CELF1: variants seen among roughly 807,000 people sequenced by gnomAD.
CELF1 encodes CUGBP Elav-like family member 1, also known as 50 kDa nuclear polyadenylated RNA-binding protein.
A neutral mutation model predicts 61.8 loss-of-function variants in CELF1; 10 were observed. The ratio of observed to expected loss-of-function variants is 0.16; its 90% confidence interval spans 0.10 to 0.27. CELF1 has a LOEUF of 0.27. Among genes scored for constraint, CELF1 ranks in the 10% least tolerant of loss-of-function variants. CELF1 has a pLI of 1.00. For missense variants in CELF1, 380 were observed against 639.1 expected, an observed-to-expected ratio of 0.59 and a Z score of 4.37; for synonymous variants, 236 against 225.1, an observed-to-expected ratio of 1.05 and a Z score of -0.43.
chr11:47,487,465 A>T (rs10838721), intron 4 of CELF1, among the ~76,000 whole-genome samples: 2 of 152,222 alleles, frequency 1.3e-5, no homozygotes, highest in South Asian at 4.1e-4. Context: ...TAGTTACACT[A>T]TAAGTCTTAT....
intron 1 of CELF1, among the ~76,000 whole-genome samples, chr11:47,541,258 A>G (rs1007956033): frequency 1.4e-4 from 21 of 150,414 alleles, no homozygotes; most frequent in African/African-American, 4.2e-4. Flanking sequence ...ATTATCACCA[A>G]TATCATACAT....
rs2093639886 is a variant in CELF1, at chr11:47,499,593, A to G, written c.-70T>C. On this transcript the variant is annotated 5_prime_UTR_variant, in exon 3 of 15. Coordinates refer to ENST00000687097, the MANE Select transcript of CELF1 (RefSeq NM_001376376.1). ...ACTTGTCTGATCCACAAATACACAC[A>G]GCTTTAGCTTCCTGGGCCCCACAAA... 3 of 1,257,796 alleles carry G rather than the reference A, an allele frequency of 2.4e-6. No individual in the cohort carries two copies. The East Asian group carries it at 7.6e-5, about 32-fold the overall frequency. 77.9% of individuals were successfully genotyped at this position (1,257,796 alleles called of 1,614,324 possible).
intron 1 of CELF1, among the ~76,000 whole-genome samples, chr11:47,505,769 A>T (rs2094439330): frequency 6.7e-6 from 1 of 148,994 alleles, no homozygotes; most frequent in African/African-American, 2.5e-5. Context: ...TCTACTAAAA[A>T]TACAAAAATA....
chr11:47,486,050 A>C (rs1311580367), intron 6 of CELF1, among the ~76,000 whole-genome samples: 2 of 113,816 alleles, frequency 1.8e-5, no homozygotes, highest in African/African-American at 6.7e-5. Context: ...AGTCCCAGCT[A>C]CTCGGGAGGC....
At chr11:47,547,274 G>T (rs2096987511) in intron 1 of CELF1, among the ~76,000 whole-genome samples, 1 of 152,088 alleles carries the variant, frequency 6.6e-6, no homozygotes, top group Non-Finnish European at 1.5e-5. Context: ...CAATCCATAT[G>T]AAGAGCATGA....
intron 13 of CELF1, 39 bp from the exon 14 acceptor site, chr11:47,473,270 A>C (rs761346544): frequency 4.4e-6 from 7 of 1,596,408 alleles, no homozygotes; most frequent in Non-Finnish European, 6.0e-6. Context: ...ATCAGTGTCA[A>C]ACATGCTCGT....
chr11:47,530,396 G>A (rs2096427447), intron 1 of CELF1, among the ~76,000 whole-genome samples: 1 of 152,178 alleles, frequency 6.6e-6, no homozygotes, highest in African/African-American at 2.4e-5. Context: ...GTAAAGGAAG[G>A]CTTAAAAAAC....
chr11:47,476,835 C>T lies in CELF1; in HGVS notation c.1087+11G>A. ...AGAATAGTCTGATGACAGCCAGGTG[C>T]TGCCCCTTACCTGCCAAAGAGCCAA... On this transcript the variant is annotated intron_variant, in intron 12 of 14. Transcript: ENST00000687097. The T allele has an allele frequency of 6.3e-7, 1 of 1,598,178 alleles. No individual in the cohort carries two copies. The highest frequency in any genetic ancestry group is 8.6e-7 in the Non-Finnish European group (1 of 1,165,462).
At chr11:47,547,624 G>A (rs11604233) in intron 1 of CELF1, among the ~76,000 whole-genome samples, 5,402 of 142,594 alleles carry the variant, frequency 0.038, 101 homozygotes, top group Middle Eastern at 0.084. Context: ...AGCCGAGATC[G>A]CGCCACTGCA....
chr11:47,477,553 A>G (rs915438040), intron 10 of CELF1, 128 bp from the exon 11 acceptor site: 11 of 893,096 alleles, frequency 1.2e-5, no homozygotes, highest in Middle Eastern at 3.5e-4. Context: ...TAAGCCTTAC[A>G]AACAACATTA....
chr11:47,519,380 C>T (rs972324269), intron 1 of CELF1, among the ~76,000 whole-genome samples: 2 of 151,972 alleles, frequency 1.3e-5, no homozygotes, highest in Admixed American at 6.6e-5. Context: ...ACTTGGGAGG[C>T]TGGGGCAGAA....
Position 47,484,296 on chromosome 11 carries a change from G to C in CELF1, c.526+93C>G, listed in dbSNP as rs2153449094. The C allele has an allele frequency of 1.4e-5, 19 of 1,384,520 alleles. No individual in the cohort carries two copies. In the South Asian group the frequency reaches 2.3e-4, roughly 17 times the overall value. The allele number at this position is 1,384,520 out of a possible 1,614,324, so 85.8% of individuals were successfully genotyped here. On this transcript the variant is annotated intron_variant, in intron 7 of 14. Transcript: ENST00000687097. ...CACCACTGCACTCCAGCCTGGGTGAGAGAGAGCAAGACCTTGTCTCCAAAA... is the reference window on the plus strand; with the variant it reads ...CACCACTGCACTCCAGCCTGGGTGACAGAGAGCAAGACCTTGTCTCCAAAA...
chr11:47,508,688 A>ACT (rs1196243779), intron 1 of CELF1, among the ~76,000 whole-genome samples: 1 of 151,462 alleles, frequency 6.6e-6, no homozygotes, highest in Non-Finnish European at 1.5e-5. Context: ...ACACACACAC[A>ACT]CACACACACA....
At chr11:47,495,035 GC>G (rs1333729212) in intron 3 of CELF1, among the ~76,000 whole-genome samples, 1 of 152,180 alleles carries the variant, frequency 6.6e-6, no homozygotes, top group Non-Finnish European at 1.5e-5. Flanking sequence ...ATAGGCACGA[GC>G]CACTGCCCCC....
At chr11:47,553,818 A>AT (rs34706651), upstream of CELF1, among the ~76,000 whole-genome samples, 61,705 of 148,450 alleles carry the variant, frequency 0.42, 14,071 homozygotes, top group Middle Eastern at 0.53. Flanking sequence ...ATATATATAT[A>AT]TTTTTTTTTC....
rs1242815422 is a variant in CELF1, at chr11:47,478,905, G to C, written c.816C>G (p.Asn272Lys). 29 of 1,613,232 alleles carry C rather than the reference G, an allele frequency of 1.8e-5. No individual in the cohort carries two copies. Among genetic ancestry groups the C allele is most frequent in the Non-Finnish European group, 2.5e-5 (29 of 1,179,634 alleles). ...LQQTASSGNL[N>K]TLSSLHPMGG... ...CCATTGGGTGGAGGCTGCTCAGGGT[G>C]TTGAGGTTCCCAGAGGAGGCAGTCT... Residue 272 changes from asparagine to lysine, a missense_variant, in exon 10 of 15, where the codon AAC becomes AAG. By Grantham distance (94) the Asn-to-Lys change is moderately conservative. Coordinates refer to ENST00000687097, the MANE Select transcript of CELF1 (RefSeq NM_001376376.1).
At chr11:47,559,692 A>G (rs1401918820) in intron 2 of CELF1, among the ~76,000 whole-genome samples, 2 of 152,094 alleles carry the variant, frequency 1.3e-5, no homozygotes, top group Non-Finnish European at 2.9e-5. Flanking sequence ...TATAATATTC[A>G]CAGATATCAC....
chr11:47,556,562 A>G (rs1027267706), upstream of CELF1, among the ~76,000 whole-genome samples: 4 of 152,210 alleles, frequency 2.6e-5, no homozygotes, highest in Admixed American at 2.6e-4. Flanking sequence ...CCATATAATA[A>G]TAGATAAATA....
At chr11:47,526,127 C>T (rs925401592) in intron 1 of CELF1, among the ~76,000 whole-genome samples, 15 of 151,922 alleles carry the variant, frequency 9.9e-5, no homozygotes, top group South Asian at 2.1e-4. Flanking sequence ...GTCCGGAGTT[C>T]GAGACCAGCC....
Sources: gnomAD v4.1 joint callset for allele counts (sites outside exome capture counted in the v4.1 genomes callset) on GRCh38, gnomAD v4.1.1 for gene constraint, MANE v1.5 for transcripts, NCBI Gene and HGNC (gene_info 2026-07-23, HGNC 2026-07-21) for gene names.